The following ZDHHC23 variants were observed in gnomAD, a reference collection of about 807,000 sequenced individuals.
The protein encoded by ZDHHC23 is palmitoyltransferase ZDHHC23.
A neutral mutation model predicts 40.2 loss-of-function variants in ZDHHC23; 41 were observed. That is an observed-to-expected ratio of 1.02 (90% CI 0.79 to 1.32). ZDHHC23 has a LOEUF of 1.32. Ranked by LOEUF, ZDHHC23 falls within the 40% of genes most tolerant of loss-of-function variation. The pLI is 0.00. For synonymous variants in ZDHHC23, 204 were observed against 210.2 expected, an observed-to-expected ratio of 0.97 and a Z score of 0.26; for missense variants, 471 against 541.5, an observed-to-expected ratio of 0.87 and a Z score of 1.29.
Position 113,959,611 on chromosome 3 carries a change from T to C in ZDHHC23, c.*981T>C, listed in dbSNP as rs1198346389. ...TTACTCTCTTTTCTGGTAGGAAGGC[T>C]GAGTAACATCACGGGCTCGATTATT... On this transcript the variant is annotated 3_prime_UTR_variant, in exon 5 of 5. Coordinates refer to ENST00000638807, the MANE Select transcript of ZDHHC23 (RefSeq NM_001320466.2). The C allele has an allele frequency of 2.5e-6, 3 of 1,204,454 alleles. No individual in the cohort carries two copies. Among genetic ancestry groups the C allele is most frequent in the Non-Finnish European group, 3.2e-6 (3 of 928,010 alleles). The allele number at this position is 1,204,454 out of a possible 1,614,324, so 74.6% of individuals were successfully genotyped here. A position where few individuals can be genotyped will look rare whatever the true frequency, so the allele number is the denominator to read the frequency against.
At chr3:113,951,580 C>T (rs1938664079) in intron 2 of ZDHHC23, among the ~76,000 whole-genome samples, 1 of 152,166 alleles carries the variant, frequency 6.6e-6, no homozygotes, top group Non-Finnish European at 1.5e-5. Flanking sequence ...CATGGGTGCC[C>T]TGGGCCCTCT....
At chr3:113,978,931 G>A in the ZDHHC23 span, 27 of 1,614,022 alleles carry the variant, frequency 1.7e-5, no homozygotes, top group Middle Eastern at 2.0e-3. Flanking sequence ...CATCTTTCTA[G>A]CCAGACTTTC....
downstream of ZDHHC23, among the ~76,000 whole-genome samples, chr3:113,966,394 G>A (rs868002136): frequency 4.6e-5 from 7 of 152,118 alleles, 1 homozygote; most frequent in South Asian, 6.2e-4. Context: ...CGTCTGCCCC[G>A]GGAGAGGCTG....
At chr3:113,970,695 T>A in the ZDHHC23 span, among the ~76,000 whole-genome samples, 1 of 152,140 alleles carries the variant, frequency 6.6e-6, no homozygotes, top group Non-Finnish European at 1.5e-5. Flanking sequence ...ATTAGGTATA[T>A]CTCCTAATGC....
Position 113,960,602 on chromosome 3 carries a change from T to G in ZDHHC23, c.*1972T>G. ...TCAGTAATTTTAGCTTCTTGCCAAA[T>G]TGTTCACAACATCTAAATGTAATGT... On this transcript the variant is annotated 3_prime_UTR_variant, in exon 5 of 5. Transcript: ENST00000638807. The G allele has an allele frequency of 6.4e-7, 1 of 1,552,652 alleles. No homozygotes were observed. The highest frequency in any genetic ancestry group is 8.6e-7 in the Non-Finnish European group (1 of 1,157,334).
chr3:113,969,294 C>T (rs1940558121), downstream of ZDHHC23, among the ~76,000 whole-genome samples: 1 of 152,190 alleles, frequency 6.6e-6, no homozygotes, highest in Non-Finnish European at 1.5e-5. Flanking sequence ...CTCTCTCTTT[C>T]TGTGGGTTAT....
Position 113,960,414 on chromosome 3 carries a change from A to G in ZDHHC23, c.*1784A>G. On this transcript the variant is annotated 3_prime_UTR_variant, in exon 5 of 5. Transcript: ENST00000638807. Reference sequence around the variant, plus strand: ...TCATCTAGAATTAAAGTTGGATTTGATATAACAAATTTCTTTCTATACAGG... The same window carrying G: ...TCATCTAGAATTAAAGTTGGATTTGGTATAACAAATTTCTTTCTATACAGG... The G allele has an allele frequency of 7.9e-7, 1 of 1,267,566 alleles. No homozygotes were observed. The highest frequency in any genetic ancestry group is 9.9e-7 in the Non-Finnish European group (1 of 1,007,908). 78.5% of individuals were successfully genotyped at this position (1,267,566 alleles called of 1,614,324 possible). A position where few individuals can be genotyped will look rare whatever the true frequency, so the allele number is the denominator to read the frequency against.
At chr3:113,977,704 C>T in the ZDHHC23 span, among the ~76,000 whole-genome samples, 4 of 152,110 alleles carry the variant, frequency 2.6e-5, no homozygotes, top group Admixed American at 2.0e-4. Flanking sequence ...GGAGCCTGTG[C>T]GACAGCAATG....
At position 113,954,043 on chromosome 3, in the gene ZDHHC23, G is replaced by A. The variant is rs748177437; in HGVS notation, c.505G>A (p.Val169Ile). ...GGTCCCCAAAGGGCGTGTGGGTCCC[G>A]TTCAGCTGGCGGTTCTTACCTGCGG... ...EVVPKGRVGPVQLAVLTCGLF... is the reference protein window; with the variant it reads ...EVVPKGRVGPIQLAVLTCGLF... The change falls in exon 3 of 5, where the codon GTT becomes ATT. Residue 169 changes from valine (V) to isoleucine (I), a missense_variant. By Grantham distance (29) the Val-to-Ile change is conservative (BLOSUM62 3). This residue lies in a region of ZDHHC23 where 346 missense variants were observed against 399.8 expected (regional missense o/e 0.87). Coordinates refer to ENST00000638807, the MANE Select transcript of ZDHHC23 (RefSeq NM_001320466.2). 12 of 1,614,126 alleles carry A rather than the reference G, an allele frequency of 7.4e-6. No homozygotes were observed. The East Asian group carries it at 2.0e-4, about 27-fold the overall frequency.
chr3:113,973,882 T>G, the ZDHHC23 span, among the ~76,000 whole-genome samples: 18,725 of 151,466 alleles, frequency 0.12, 1,426 homozygotes, highest in African/African-American at 0.21. Context: ...CTACCCCTTG[T>G]TCTCATTCAA....
At chr3:113,977,490 C>T in the ZDHHC23 span, among the ~76,000 whole-genome samples, 1 of 152,010 alleles carries the variant, frequency 6.6e-6, no homozygotes, top group Non-Finnish European at 1.5e-5. Flanking sequence ...ATACAGAATA[C>T]CTTATTTCTC....
chr3:113,968,364 G>C (rs1057054320), downstream of ZDHHC23, among the ~76,000 whole-genome samples: 1 of 152,004 alleles, frequency 6.6e-6, no homozygotes. Context: ...GTTTTGATTT[G>C]GATTTCTCTG....
At position 113,953,701 on chromosome 3, in the gene ZDHHC23, T is replaced by C. The variant is rs375654410; in HGVS notation, c.163T>C (p.Trp55Arg). 6.5e-5 allele frequency: 105 copies of C among 1,609,494 alleles called. No homozygotes were observed. The Admixed American group carries it at 1.7e-3, about 26-fold the overall frequency. ...CCTCTTTGTGCTTTTTCTGAATAGA[T>C]GGATTACATGTAAATCTTTACAGCC... ...CQDLDEGCDR[W>R]ITCKSLQPET... The change falls in exon 3 of 5, where the codon TGG becomes CGG. Residue 55 changes from tryptophan (W) to arginine (R), a missense_variant and splice_region_variant. This residue lies in a region of ZDHHC23 where 83 missense variants were observed against 67.8 expected (regional missense o/e 1.22). Coordinates refer to ENST00000638807, the MANE Select transcript of ZDHHC23 (RefSeq NM_001320466.2).
chr3:113,968,626 G>GTT (rs373015779), downstream of ZDHHC23, among the ~76,000 whole-genome samples: 71 of 137,004 alleles, frequency 5.2e-4, 1 homozygote, highest in South Asian at 7.4e-3. Context: ...ATAGTTTTTT[G>GTT]TTTTTTTTTT....
the ZDHHC23 span, among the ~76,000 whole-genome samples, chr3:113,976,825 T>C: frequency 6.6e-6 from 1 of 152,162 alleles, no homozygotes; most frequent in East Asian, 1.9e-4. Context: ...CACATAGATA[T>C]TGAGTCCTAA....
chr3:113,971,796 C>T, the ZDHHC23 span, among the ~76,000 whole-genome samples: 1 of 151,886 alleles, frequency 6.6e-6, no homozygotes, highest in Admixed American at 6.6e-5. Context: ...CAGTTTGAAG[C>T]CATTAGGACC....
In ZDHHC23 at chr3:113,959,573, C is replaced by CT. The variant is rs1291732898; in HGVS notation, c.*944dup. ...GGCTGGAAGAGGAGAACAGACACTC[C>CT]TGTGGGGATGCTTTACTCTCTTTTC... On this transcript the variant is annotated 3_prime_UTR_variant, in exon 5 of 5. Transcript: ENST00000638807. 1 of 1,240,478 alleles carries CT rather than the reference C, an allele frequency of 8.1e-7. No homozygotes were observed. Among genetic ancestry groups the CT allele is most frequent in the African/African-American group, 1.5e-5 (1 of 65,312 alleles). The allele number at this position is 1,240,478 out of a possible 1,614,324, so 76.8% of individuals were successfully genotyped here. A position where few individuals can be genotyped will look rare whatever the true frequency, so the allele number is the denominator to read the frequency against.
downstream of ZDHHC23, among the ~76,000 whole-genome samples, chr3:113,970,178 C>G (rs1940655465): frequency 6.6e-6 from 1 of 151,964 alleles, no homozygotes; most frequent in African/African-American, 2.4e-5. Context: ...ATAAATGCTG[C>G]TGATTTTTGA....
chr3:113,955,235 A>G (rs1369125102), intron 3 of ZDHHC23, among the ~76,000 whole-genome samples: 1 of 152,198 alleles, frequency 6.6e-6, no homozygotes, highest in Non-Finnish European at 1.5e-5. Context: ...AAAGGCTGAG[A>G]GGCATTGGCG....
Sources: allele counts gnomAD v4.1 joint callset (sites outside exome capture counted in the v4.1 genomes callset), GRCh38; gene constraint gnomAD v4.1.1; regional missense constraint gnomAD v4.1.1; transcripts MANE v1.5; gene names NCBI Gene and HGNC (gene_info 2026-07-23, HGNC 2026-07-21).